Variants in RANBP3L observed in about 807,000 individuals in gnomAD.
RANBP3L encodes the protein RAN binding protein 3 like, also known as ran-binding protein 3-like.
RANBP3L carries 56 observed loss-of-function variants against 67.2 expected under a neutral mutation model. The ratio of observed to expected loss-of-function variants is 0.83; its 90% CI spans 0.67 to 1.04. The LOEUF (loss-of-function observed/expected upper bound fraction) is 1.04, where lower values mean the gene tolerates loss of function less well. RANBP3L is among the 50% of genes least tolerant of loss of function. The pLI is 0.00. For synonymous variants in RANBP3L, 164 were observed against 181.4 expected (o/e 0.90, Z 0.77); for missense variants, 496 against 535.5 (o/e 0.93, Z 0.73).
At chr5:36,257,679 T>G in intron 8 of RANBP3L, 123 bp from the exon 9 acceptor site, 1 of 468,166 alleles carries the variant, frequency 2.1e-6, no homozygotes, top group Non-Finnish European at 3.8e-6. Context: ...AGCTGGTATG[T>G]TTTTGTTTTG....
intron 1 of RANBP3L, among the ~76,000 whole-genome samples, chr5:36,299,330 CATAT>C (rs34574696): frequency 3.8e-5 from 5 of 131,332 alleles, no homozygotes; most frequent in Admixed American, 7.6e-5. Context: ...TATACACATA[CATAT>C]ATGTGTGTGT....
chr5:36,276,730 A>G (rs889943787), intron 1 of RANBP3L, among the ~76,000 whole-genome samples: 1 of 152,112 alleles, frequency 6.6e-6, no homozygotes, highest in African/African-American at 2.4e-5. Flanking sequence ...AAGTAACTGG[A>G]GGATTTTTTT....
intron 8 of RANBP3L, among the ~76,000 whole-genome samples, chr5:36,258,302 A>G (rs1749139130): frequency 6.6e-6 from 1 of 152,210 alleles, no homozygotes; most frequent in South Asian, 2.1e-4. Context: ...AACTGGAACA[A>G]TGATACTTAA....
intron 1 of RANBP3L, among the ~76,000 whole-genome samples, chr5:36,286,787 C>G (rs1751353070): frequency 1.3e-5 from 2 of 152,124 alleles, no homozygotes; most frequent in Admixed American, 1.3e-4. Context: ...TTTGTACTTA[C>G]TCTTTATTCT....
intron 12 of RANBP3L, among the ~76,000 whole-genome samples, chr5:36,252,831 A>G (rs1748691214): frequency 6.6e-6 from 1 of 152,068 alleles, no homozygotes; most frequent in Non-Finnish European, 1.5e-5. Flanking sequence ...AATATCACTT[A>G]CACCTAACAG....
At chr5:36,264,657 C>T (rs1230448340) in intron 6 of RANBP3L, among the ~76,000 whole-genome samples, 1 of 152,126 alleles carries the variant, frequency 6.6e-6, no homozygotes, top group Non-Finnish European at 1.5e-5. Context: ...CTGACTCTGG[C>T]CCCTGGCTCC....
chr5:36,288,694 T>C (rs1367787902), intron 1 of RANBP3L, among the ~76,000 whole-genome samples: 1 of 152,164 alleles, frequency 6.6e-6, no homozygotes, highest in Non-Finnish European at 1.5e-5. Context: ...TTCATGGTGG[T>C]TTTATTTTGG....
At chr5:36,271,593 T>A (rs1579724721) in intron 1 of RANBP3L, among the ~76,000 whole-genome samples, 1 of 152,170 alleles carries the variant, frequency 6.6e-6, no homozygotes, top group Non-Finnish European at 1.5e-5. Flanking sequence ...CAAAATATAA[T>A]TATGTACCTT....
At chr5:36,261,432 C>T (rs1291182963) in intron 7 of RANBP3L, among the ~76,000 whole-genome samples, 2 of 152,070 alleles carry the variant, frequency 1.3e-5, no homozygotes, top group Non-Finnish European at 2.9e-5. Flanking sequence ...CACCTGCTAC[C>T]GCACCTGGAC....
chr5:36,261,571 C>G (rs148988609), intron 7 of RANBP3L, among the ~76,000 whole-genome samples: 2 of 152,130 alleles, frequency 1.3e-5, no homozygotes, highest in African/African-American at 4.8e-5. Context: ...GCTTATCTAA[C>G]CTATGCCAAT....
Position 36,257,000 on chromosome 5 carries a change from A to G in RANBP3L, c.844T>C (p.Cys282Arg). 1.2e-6 allele frequency: 2 copies of G among 1,613,034 alleles called. No individual in the cohort carries two copies. Among genetic ancestry groups the G allele is most frequent in the Non-Finnish European group, 1.7e-6 (2 of 1,179,306 alleles). Residue 282 changes from cysteine to arginine, a missense_variant, in exon 10 of 14, where the codon TGC (cysteine) becomes CGC (arginine). Coordinates refer to ENST00000296604, the MANE Select transcript of RANBP3L (RefSeq NM_145000.5). ...ATAACATCAATTTTCTCCAGCAAGCATTTTCGTGATGGTTGGGAAGAGAAT... is the reference window on the plus strand; with the variant it reads ...ATAACATCAATTTTCTCCAGCAAGCGTTTTCGTGATGGTTGGGAAGAGAAT... ...AAFSSQPSRK[C>R]LLEKIDVITG... is the part of the protein sequence containing the mutation.
rs1353230029 is a variant in RANBP3L, at chr5:36,260,380, A to AT, written c.669+399_669+400insA. Among the ~76,000 whole-genome samples, 138 of 150,652 alleles carry AT rather than the reference A, an allele frequency of 9.2e-4. 1 individual carries two copies. The highest frequency in any genetic ancestry group is 3.4e-3 in the Middle Eastern group (1 of 294). ...TGTCTCAAAAAAAAAAAAAAAAAAA[A>AT]CCAAACTGGCAAATAATTTTAAATG... On this transcript the variant is annotated intron_variant, in intron 8 of 13. Transcript: ENST00000296604.
At chr5:36,296,648 A>T (rs1278036017) in intron 1 of RANBP3L, among the ~76,000 whole-genome samples, 1 of 152,182 alleles carries the variant, frequency 6.6e-6, no homozygotes, top group Non-Finnish European at 1.5e-5. Flanking sequence ...ATAAATAAGG[A>T]TAACAATACC....
intron 1 of RANBP3L, among the ~76,000 whole-genome samples, chr5:36,279,564 C>T (rs1356094239): frequency 1.3e-5 from 2 of 152,068 alleles, no homozygotes; most frequent in Admixed American, 6.6e-5. Context: ...CAGGCTGACT[C>T]ACAAAGCACT....
At chr5:36,290,268 A>G (rs1244860057) in intron 1 of RANBP3L, among the ~76,000 whole-genome samples, 1 of 145,096 alleles carries the variant, frequency 6.9e-6, no homozygotes, top group Non-Finnish European at 1.5e-5. Context: ...CACAGGCTGG[A>G]GTGCAGTGAC....
At chr5:36,294,859 T>A (rs1473460677) in intron 1 of RANBP3L, among the ~76,000 whole-genome samples, 3 of 148,414 alleles carry the variant, frequency 2.0e-5, no homozygotes, top group African/African-American at 4.9e-5. Flanking sequence ...ATATATATAC[T>A]CATACATATA....
rs568069307 is a variant in RANBP3L, at chr5:36,270,411, G to T, written c.151-421C>A. 2.1e-3 allele frequency among the ~76,000 whole-genome samples: 319 copies of T among 152,284 alleles called. 1 individual carries two copies. Among genetic ancestry groups the T allele is most frequent in the African/African-American group, 7.3e-3 (302 of 41,562 alleles). On this transcript the variant is annotated intron_variant, in intron 2 of 13. Coordinates refer to ENST00000296604, the MANE Select transcript of RANBP3L (RefSeq NM_145000.5). The stretch of plus-strand genomic sequence containing the variant: ...AGGTTGAGTGTTTCTTTTGTTTAGT[G>T]TTTTTGTGGGTAGTAGGTTAAATTA...
rs1579664099 is a variant in RANBP3L at position 36,251,182 on chromosome 5, A to C, written c.1354+131T>G. 2.5e-5 allele frequency: 17 copies of C among 676,430 alleles called. No homozygotes were observed. The East Asian group carries it at 4.8e-4, about 19-fold the overall frequency. The allele number at this position is 676,430 out of a possible 1,614,324, so 41.9% of individuals were successfully genotyped here. A position where few individuals can be genotyped will look rare whatever the true frequency, so the allele number is the denominator to read the frequency against. On this transcript the variant is annotated intron_variant, in intron 13 of 13. Coordinates refer to ENST00000296604, the MANE Select transcript of RANBP3L (RefSeq NM_145000.5). ...TCAAACCCACTCCTCAGATCCAAAC[A>C]ACTAAGGCTCTAGCCACCACTAACT... is the stretch of plus-strand genomic sequence containing the variant.
At chr5:36,298,862 C>G (rs1030066933) in intron 1 of RANBP3L, among the ~76,000 whole-genome samples, 4 of 152,176 alleles carry the variant, frequency 2.6e-5, no homozygotes, top group African/African-American at 9.7e-5. Context: ...AGTATGTCAT[C>G]ATAGTGATTA....
Sources: allele counts gnomAD v4.1 joint callset (sites outside exome capture counted in the v4.1 genomes callset), GRCh38; gene constraint gnomAD v4.1.1; transcripts MANE v1.5; gene names NCBI Gene and HGNC (gene_info 2026-07-23, HGNC 2026-07-21).